The following PTPN12 variants were observed in gnomAD, a reference collection of about 807,000 sequenced individuals.
PTPN12 encodes the protein protein tyrosine phosphatase non-receptor type 12.
In PTPN12, 29 loss-of-function variants were observed where a neutral mutation model predicts 97.6. That is an observed-to-expected ratio of 0.30 (90% CI 0.22 to 0.41). The LOEUF is 0.41. PTPN12 is among the 10% of genes least tolerant of loss of function. The pLI, the probability that PTPN12 is intolerant of heterozygous loss-of-function variation, is 1.00. For synonymous variants in PTPN12, 327 were observed against 300.4 expected (o/e 1.09, Z -0.91); for missense variants, 819 against 926.0 (o/e 0.88, Z 1.50).
At chr7:77,538,096 G>A in intron 1 of PTPN12, 1 of 990,954 alleles carries the variant, frequency 1.0e-6, no homozygotes, top group Non-Finnish European at 1.2e-6. Flanking sequence ...CAGAGGAACG[G>A]GGGTATTGAG....
intron 1 of PTPN12, among the ~76,000 whole-genome samples, chr7:77,552,971 G>T (rs1016830552): frequency 1.3e-5 from 2 of 152,202 alleles, no homozygotes; most frequent in Admixed American, 1.3e-4. Flanking sequence ...TAAATAAATA[G>T]GAGGGGAAAA....
At chr7:77,588,081 A>T (rs1787749077) in intron 5 of PTPN12, among the ~76,000 whole-genome samples, 1 of 152,090 alleles carries the variant, frequency 6.6e-6, no homozygotes, top group Admixed American at 6.5e-5. Flanking sequence ...GACCTACTTA[A>T]TTTTTGTGTG....
chr7:77,606,492 G>A (rs935168962), intron 8 of PTPN12, among the ~76,000 whole-genome samples: 3 of 150,262 alleles, frequency 2.0e-5, no homozygotes, highest in Non-Finnish European at 4.4e-5. Context: ...GACCTCCCAG[G>A]CTCAAGCAAT....
At chr7:77,562,514 TGAAG>T (rs1431628025) in intron 1 of PTPN12, among the ~76,000 whole-genome samples, 2 of 152,302 alleles carry the variant, frequency 1.3e-5, no homozygotes, top group South Asian at 4.1e-4. Flanking sequence ...CATAACCAGA[TGAAG>T]GAAGACATAG....
intron 1 of PTPN12, among the ~76,000 whole-genome samples, chr7:77,551,127 C>G (rs780194655): frequency 4.6e-5 from 7 of 152,184 alleles, no homozygotes; most frequent in African/African-American, 7.2e-5. Context: ...GGGGCATGAT[C>G]TCTGCTCACT....
At chr7:77,563,727 A>G (rs1375984668) in intron 1 of PTPN12, among the ~76,000 whole-genome samples, 1 of 152,146 alleles carries the variant, frequency 6.6e-6, no homozygotes, top group Non-Finnish European at 1.5e-5. Context: ...ATAGCCATGC[A>G]TTTCTGAAAA....
At chr7:77,622,777 A>AAAAG (rs999957411) in intron 12 of PTPN12, among the ~76,000 whole-genome samples, 1 of 149,456 alleles carries the variant, frequency 6.7e-6, no homozygotes, top group African/African-American at 2.4e-5. Context: ...GTCTCAAAAA[A>AAAAG]AAAGAAAGAA....
chr7:77,627,460 C>G lies in PTPN12; in HGVS notation c.1781C>G (p.Pro594Arg). The G allele has an allele frequency of 6.2e-7, 1 of 1,613,876 alleles. No homozygotes were observed. The highest frequency in any genetic ancestry group is 8.5e-7 in the Non-Finnish European group (1 of 1,179,852). ...HDNTSPLFRT[P>R]LSFTNPLHSD... ...AACACTTCACCACTCTTCAGAACAC[C>G]CCTCAGTTTTACTAATCCACTTCAC... The change falls in exon 13 of 18, where the codon CCC becomes CGC. Residue 594 changes from proline to arginine, a missense_variant. Around this residue, in one of 5 missense-constraint regions of PTPN12, gnomAD observed 607 missense variants for 577.3 expected, o/e 1.05. Transcript: ENST00000248594.
chr7:77,576,754 T>C (rs1787356318), intron 2 of PTPN12, among the ~76,000 whole-genome samples: 1 of 152,234 alleles, frequency 6.6e-6, no homozygotes, highest in Non-Finnish European at 1.5e-5. Flanking sequence ...TCTTTCTCGC[T>C]ACTTCTAGTT....
At chr7:77,538,635 T>TA (rs1328312971) in intron 1 of PTPN12, 1 of 151,904 alleles carries the variant, frequency 6.6e-6, no homozygotes, top group Non-Finnish European at 1.5e-5. Flanking sequence ...TTGCTCTAGA[T>TA]ACACTATTGC....
chr7:77,613,171 T>G (rs891917112), intron 11 of PTPN12, among the ~76,000 whole-genome samples: 1 of 128,428 alleles, frequency 7.8e-6, no homozygotes, highest in Non-Finnish European at 1.6e-5. Flanking sequence ...TTTTGGGTTT[T>G]TTTTTTTTTT....
At chr7:77,616,928 G>GTGC (rs1788772052) in intron 11 of PTPN12, among the ~76,000 whole-genome samples, 1 of 151,982 alleles carries the variant, frequency 6.6e-6, no homozygotes, top group Non-Finnish European at 1.5e-5. Flanking sequence ...AATTACAGAC[G>GTGC]TGCACCACCA....
rs1789427696 is a variant in PTPN12 at position 77,632,359 on chromosome 7, A to G, written c.2008A>G (p.Ser670Gly). 1 of 1,604,248 alleles carries G rather than the reference A, an allele frequency of 6.2e-7. No homozygotes were observed. Among genetic ancestry groups the G allele is most frequent in the African/African-American group, 1.3e-5 (1 of 74,842 alleles). Residue 670 changes from serine to glycine, a missense_variant, in exon 14 of 18, where the codon AGT becomes GGT. Ser to Gly is a moderately conservative substitution (Grantham distance 56, BLOSUM62 0). Transcript: ENST00000248594. ...HSGAEKDVDV[S>G]EDSPPPLPER... ...TGTGTTTAATTTAGATGTTGATGTTAGTGAAGATTCACCTCCTCCCCTACC... is the reference window on the plus strand; with the variant it reads ...TGTGTTTAATTTAGATGTTGATGTTGGTGAAGATTCACCTCCTCCCCTACC...
chr7:77,557,869 G>A (rs1028771476), intron 1 of PTPN12, among the ~76,000 whole-genome samples: 4 of 152,050 alleles, frequency 2.6e-5, no homozygotes, highest in Non-Finnish European at 4.4e-5. Context: ...TGTTGGGGGA[G>A]TAGCTACCAA....
Position 77,638,735 on chromosome 7 carries a change from AT to A in PTPN12, c.2281+7del, listed in dbSNP as rs1347814666. The A allele has an allele frequency of 3.1e-6, 5 of 1,593,000 alleles. No individual in the cohort carries two copies. The highest frequency in any genetic ancestry group is 3.4e-6 in the Non-Finnish European group (4 of 1,173,856). On this transcript the variant is annotated splice_donor_5th_base_variant and intron_variant, in intron 17 of 17. Transcript: ENST00000248594. The stretch of plus-strand genomic sequence containing the variant: ...CCAACAGAAGCCACAGATATTGGTA[AT>A]TTGTTTAATAAATAATTTTTAGTAA...
At chr7:77,613,329 C>T (rs1185247950) in intron 11 of PTPN12, among the ~76,000 whole-genome samples, 1 of 151,078 alleles carries the variant, frequency 6.6e-6, no homozygotes, top group Non-Finnish European at 1.5e-5. Context: ...CGCCCACCAC[C>T]ATGCTCAGCT....
At chr7:77,563,859 G>A (rs1808105813) in intron 1 of PTPN12, 1 of 348,154 alleles carries the variant, frequency 2.9e-6, no homozygotes, top group Non-Finnish European at 5.8e-6. Flanking sequence ...CAGTTGTATA[G>A]TTGAAAGACC....
intron 12 of PTPN12, among the ~76,000 whole-genome samples, chr7:77,625,040 C>T (rs543281972): frequency 6.6e-6 from 1 of 152,026 alleles, no homozygotes; most frequent in Non-Finnish European, 1.5e-5. Context: ...GAGGTTGAAG[C>T]ACAAGAATTG....
At chr7:77,542,594 A>G (rs956490222) in intron 1 of PTPN12, among the ~76,000 whole-genome samples, 6 of 152,158 alleles carry the variant, frequency 3.9e-5, no homozygotes, top group Non-Finnish European at 5.9e-5. Flanking sequence ...AGGAGTCTCA[A>G]TGATTCATTA....
Sources: gnomAD v4.1 joint callset for allele counts (sites outside exome capture counted in the v4.1 genomes callset) on GRCh38, gnomAD v4.1.1 for gene constraint, gnomAD v4.1.1 regional missense constraint, MANE v1.5 for transcripts, NCBI Gene and HGNC (gene_info 2026-07-23, HGNC 2026-07-21) for gene names.